Variants in PTPRN2 observed in about 807,000 individuals in gnomAD.
The protein encoded by PTPRN2 is receptor-type tyrosine-protein phosphatase N2.
A neutral mutation model predicts 118.8 loss-of-function variants in PTPRN2; 74 were observed. That is an observed-to-expected ratio of 0.62 (90% CI 0.52 to 0.76). The LOEUF (loss-of-function observed/expected upper bound fraction) is 0.76, where lower values mean the gene tolerates loss of function less well. PTPRN2 is among the 30% of genes least tolerant of loss of function. The probability of loss-of-function intolerance (pLI) is 0.00; values close to 1 mark genes in which losing one functional copy is unlikely to be tolerated. For synonymous variants in PTPRN2, 641 were observed against 608.0 expected (o/e 1.05, Z -0.80); for missense variants, 1,481 against 1,394.4 (o/e 1.06, Z -0.99).
At chr7:158,002,968 C>T (rs1805381015) in intron 11 of PTPRN2, among the ~76,000 whole-genome samples, 1 of 152,100 alleles carries the variant, frequency 6.6e-6, no homozygotes, top group Admixed American at 6.5e-5. Context: ...TGGGGGTCTG[C>T]TACAGGCCGC....
intron 12 of PTPRN2, chr7:157,865,497 A>G (rs1454881535): frequency 6.6e-6 from 1 of 151,962 alleles, no homozygotes; most frequent in Non-Finnish European, 1.5e-5. Context: ...CAGGACCCTC[A>G]CCGTGGGGCC....
At chr7:158,295,775 C>A (rs11977123) in intron 3 of PTPRN2, among the ~76,000 whole-genome samples, 29 of 149,100 alleles carry the variant, frequency 1.9e-4, no homozygotes, top group African/African-American at 6.7e-4. Context: ...CACTCTCCAT[C>A]CGCACGGTTC....
chr7:158,147,276 C>G (rs1186782040), intron 6 of PTPRN2, among the ~76,000 whole-genome samples: 1 of 111,242 alleles, frequency 9.0e-6, no homozygotes, highest in Admixed American at 8.5e-5. Context: ...CCATCTCACG[C>G]CACGTGTCTT....
At chr7:157,864,502 A>T (rs911170504) in intron 12 of PTPRN2, 1 of 152,290 alleles carries the variant, frequency 6.6e-6, no homozygotes, top group Non-Finnish European at 1.5e-5. Flanking sequence ...ATTGGGGATG[A>T]GATTGAGAGG....
chr7:158,252,960 T>C (rs189718021), intron 3 of PTPRN2, among the ~76,000 whole-genome samples: 3 of 151,728 alleles, frequency 2.0e-5, no homozygotes, highest in Admixed American at 2.0e-4. Flanking sequence ...GGAGTGAGAG[T>C]CCCTGTGGCC....
chr7:158,115,371 G>C (rs1816648297), intron 9 of PTPRN2, among the ~76,000 whole-genome samples: 2 of 152,230 alleles, frequency 1.3e-5, no homozygotes, highest in South Asian at 2.1e-4. Flanking sequence ...CAGCGGGTAA[G>C]GTGTTCAGAA....
intron 13 of PTPRN2, among the ~76,000 whole-genome samples, chr7:157,667,211 G>A (rs1416635000): frequency 1.1e-5 from 1 of 87,670 alleles, no homozygotes. Context: ...TGGCTTGCAC[G>A]CTCAGCCTGT....
chr7:157,770,669 G>A (rs192854116), intron 12 of PTPRN2, among the ~76,000 whole-genome samples: 19 of 152,290 alleles, frequency 1.2e-4, no homozygotes, highest in African/African-American at 3.9e-4. Context: ...ATCTTCCTTC[G>A]TATCCTCTAA....
At position 157,763,398 on chromosome 7, in the gene PTPRN2, A is replaced by C. The variant is rs957750738; in HGVS notation, c.1789-80461T>G. Among the ~76,000 whole-genome samples, 1 of 152,228 alleles carries C rather than the reference A, an allele frequency of 6.6e-6. No individual in the cohort carries two copies. The highest frequency in any genetic ancestry group is 6.5e-5 in the Admixed American group (1 of 15,298). Reference sequence around the variant, plus strand: ...ACAGCCTGCCCCAGTCACTGTGGCCATGGGGCGGCCTTCGCTCTGAGGCAC... The same window carrying C: ...ACAGCCTGCCCCAGTCACTGTGGCCCTGGGGCGGCCTTCGCTCTGAGGCAC... On this transcript the variant is annotated intron_variant, in intron 12 of 22. Transcript: ENST00000389418. This position sits in a 1 kb window ranked among gnomAD's most constrained non-coding sequence, Gnocchi z 4.9.
In PTPRN2 at chr7:157,964,725, G is replaced by A. The variant is rs998144067; in HGVS notation, c.1724-65988C>T. ...CTTGACCGACTCACCTCAGAGCTTG[G>A]CACTGGGTGCTCTGATTCCCTTCCT... On this transcript the variant is annotated intron_variant, in intron 11 of 22. Transcript: ENST00000389418. The surrounding 1 kb of genome is among the most constrained non-coding windows in gnomAD (Gnocchi z 9.0). Among the ~76,000 whole-genome samples, 1 of 152,124 alleles carries A rather than the reference G, an allele frequency of 6.6e-6. No individual in the cohort carries two copies. The highest frequency in any genetic ancestry group is 2.4e-5 in the African/African-American group (1 of 41,412).
intron 12 of PTPRN2, among the ~76,000 whole-genome samples, chr7:157,895,553 AT>A (rs771656709): frequency 6.6e-6 from 1 of 152,238 alleles, no homozygotes; most frequent in Non-Finnish European, 1.5e-5. Flanking sequence ...CTAAATAAAA[AT>A]TTTTTTCTAA....
intron 2 of PTPRN2, among the ~76,000 whole-genome samples, chr7:158,404,151 T>G (rs892297408): frequency 6.6e-6 from 1 of 152,162 alleles, no homozygotes; most frequent in East Asian, 1.9e-4. Context: ...AAACATCGCT[T>G]AATCAGGACA....
chr7:157,820,891 T>C (rs1806794905), intron 12 of PTPRN2, among the ~76,000 whole-genome samples: 1 of 152,234 alleles, frequency 6.6e-6, no homozygotes, highest in African/African-American at 2.4e-5. Context: ...GGCTCACTTT[T>C]TGCCCTTTGG....
rs561148049 is a variant in PTPRN2 at position 157,869,970 on chromosome 7, C to T, written c.1788+28703G>A. 6.6e-6 allele frequency among the ~76,000 whole-genome samples: 1 copy of T among 152,304 alleles called. No individual in the cohort carries two copies. The highest frequency in any genetic ancestry group is 2.1e-4 in the South Asian group (1 of 4,814). On this transcript the variant is annotated intron_variant, in intron 12 of 22. Transcript: ENST00000389418. This position sits in a 1 kb window ranked among gnomAD's most constrained non-coding sequence, Gnocchi z 4.2. Reference sequence around the variant, plus strand: ...GCTGTTGCTTCGATGGGACCCCTTCCGCCTCTCGGTAGCCACTGCTGTGGT... The same window carrying T: ...GCTGTTGCTTCGATGGGACCCCTTCTGCCTCTCGGTAGCCACTGCTGTGGT...
At chr7:158,262,248 A>G (rs570209878) in intron 3 of PTPRN2, among the ~76,000 whole-genome samples, 1 of 152,218 alleles carries the variant, frequency 6.6e-6, no homozygotes, top group African/African-American at 2.4e-5. Flanking sequence ...AGGCACTCAC[A>G]CTCACAGATG....
intron 2 of PTPRN2, among the ~76,000 whole-genome samples, chr7:158,323,968 TAC>T (rs34540614): frequency 0.41 from 61,858 of 151,688 alleles, 12,813 homozygotes; most frequent in Middle Eastern, 0.48. Context: ...CCAACACATG[TAC>T]ACACACACAA....
intron 2 of PTPRN2, among the ~76,000 whole-genome samples, chr7:158,485,922 C>T (rs563592309): frequency 1.3e-5 from 2 of 152,188 alleles, no homozygotes; most frequent in South Asian, 4.1e-4. Flanking sequence ...CTTTCTCCCA[C>T]CTGCATTTTC....
At chr7:158,210,402 T>C (rs541457905) in intron 3 of PTPRN2, among the ~76,000 whole-genome samples, 1 of 151,974 alleles carries the variant, frequency 6.6e-6, no homozygotes, top group Non-Finnish European at 1.5e-5. Flanking sequence ...CCCAAAGTGA[T>C]GCATCTTAAA....
intron 2 of PTPRN2, among the ~76,000 whole-genome samples, chr7:158,401,629 G>C (rs190047593): frequency 6.6e-6 from 1 of 152,348 alleles, no homozygotes; most frequent in African/African-American, 2.4e-5. Flanking sequence ...AACTCAAAAA[G>C]GGAAATGCTA....
Sources: gnomAD v4.1 joint callset for allele counts (sites outside exome capture counted in the v4.1 genomes callset) on GRCh38, gnomAD v4.1.1 for gene constraint, Gnocchi (gnomAD v3.1) non-coding constraint, MANE v1.5 for transcripts, NCBI Gene and HGNC (gene_info 2026-07-23, HGNC 2026-07-21) for gene names.